TFPI: variants seen among roughly 807,000 people sequenced by gnomAD.
The protein encoded by TFPI is anti-convertin.
Under a neutral mutation model 34.6 loss-of-function variants are expected in TFPI, and 15 were observed. The ratio of observed to expected loss-of-function variants is 0.43; its 90% CI spans 0.29 to 0.67. TFPI has a LOEUF of 0.67. Ranked by LOEUF, TFPI falls within the 30% of genes least tolerant of loss-of-function variation. The pLI, the probability that TFPI is intolerant of heterozygous loss-of-function variation, is 0.15. For missense variants in TFPI, 301 were observed against 364.0 expected (o/e 0.83, Z 1.41); for synonymous variants, 105 against 120.1 (o/e 0.87, Z 0.82).
intron 6 of TFPI, chr2:187,478,551 C>T: frequency 7.7e-7 from 1 of 1,301,076 alleles, no homozygotes; most frequent in Non-Finnish European, 1.0e-6. Flanking sequence ...TAGACATTTA[C>T]AAGTGAGGTG....
intron 6 of TFPI, chr2:187,478,839 G>T: frequency 1.3e-6 from 2 of 1,555,874 alleles, no homozygotes; most frequent in African/African-American, 1.4e-5. Context: ...AAAAATGTGA[G>T]TCATCTTTAT....
At chr2:187,473,912 G>A (rs930753155) in intron 6 of TFPI, among the ~76,000 whole-genome samples, 2 of 152,006 alleles carry the variant, frequency 1.3e-5, no homozygotes, top group Non-Finnish European at 2.9e-5. Flanking sequence ...AATAGACTGA[G>A]TGAAAACCTG....
intron 1 of TFPI, among the ~76,000 whole-genome samples, chr2:187,530,524 C>T (rs1242189780): frequency 6.6e-6 from 1 of 152,188 alleles, no homozygotes; most frequent in African/African-American, 2.4e-5. Flanking sequence ...CTTTTGGCAT[C>T]GTCCCCTGAC....
At chr2:187,494,181 C>T (rs1337744553) in intron 3 of TFPI, among the ~76,000 whole-genome samples, 2 of 151,946 alleles carry the variant, frequency 1.3e-5, no homozygotes, top group Non-Finnish European at 1.5e-5. Context: ...ACCACCTTCC[C>T]CCCCGCCCCA....
At chr2:187,492,847 C>T (rs1025688027) in intron 3 of TFPI, among the ~76,000 whole-genome samples, 1 of 152,154 alleles carries the variant, frequency 6.6e-6, no homozygotes. Context: ...CTTGCCTTGT[C>T]TCAGATGAGA....
At chr2:187,468,834 C>T (rs540367329) in intron 6 of TFPI, among the ~76,000 whole-genome samples, 1 of 152,118 alleles carries the variant, frequency 6.6e-6, no homozygotes, top group South Asian at 2.1e-4. Flanking sequence ...ACCAGTACTA[C>T]AGGTAAGTTG....
chr2:187,539,236 A>G (rs936040890), intron 1 of TFPI, among the ~76,000 whole-genome samples: 2 of 152,162 alleles, frequency 1.3e-5, no homozygotes, highest in African/African-American at 2.4e-5. Flanking sequence ...GTGAGAATGC[A>G]AAGTAAGGAC....
In TFPI at chr2:187,464,631, TC is replaced by T. The variant is rs1361885190; in HGVS notation, c.*2304del. On this transcript the variant is annotated 3_prime_UTR_variant, in exon 8 of 8. Coordinates refer to ENST00000233156, the MANE Select transcript of TFPI (RefSeq NM_006287.6). ...TTTACCACTTCACCTAAGTAGACTT[TC>T]CCACTCATTTGAAGCTATTGCTATC... 1 of 152,178 alleles carries T rather than the reference TC, an allele frequency of 6.6e-6. No individual in the cohort carries two copies. Among genetic ancestry groups the T allele is most frequent in the Non-Finnish European group, 1.5e-5 (1 of 68,030 alleles). 9.4% of individuals were successfully genotyped at this position (152,178 alleles called of 1,614,324 possible). A position where few individuals can be genotyped will look rare whatever the true frequency, so the allele number is the denominator to read the frequency against.
At chr2:187,488,021 T>C (rs1693410716) in intron 4 of TFPI, among the ~76,000 whole-genome samples, 1 of 151,388 alleles carries the variant, frequency 6.6e-6, no homozygotes. Flanking sequence ...CTAAATATCA[T>C]ACTACATTAG....
chr2:187,500,868 A>G (rs946560684), intron 2 of TFPI, among the ~76,000 whole-genome samples: 3 of 152,188 alleles, frequency 2.0e-5, no homozygotes, highest in African/African-American at 7.2e-5. Flanking sequence ...TATTTTGAAT[A>G]AACCCTTTTG....
In TFPI at chr2:187,503,661, G is replaced by A; in HGVS notation, c.108C>T (p.His36=). 6.2e-7 allele frequency: 1 copy of A among 1,612,538 alleles called. No homozygotes were observed. The highest frequency in any genetic ancestry group is 8.5e-7 in the Non-Finnish European group (1 of 1,178,996). ...CTAATATTTTACCTGTGATAATTGT[G>A]TGTTCTTCATCTTCCTCAGAATCAG... ...LNADSEEDEE[H]TIITDTELPP... is the part of the protein sequence containing the mutation. Residue 36 remains histidine, a synonymous_variant, in exon 2 of 8, where the codon CAC becomes CAT. Coordinates refer to ENST00000233156, the MANE Select transcript of TFPI (RefSeq NM_006287.6).
intron 2 of TFPI, 150 bp downstream of exon 2, chr2:187,503,498 C>CACACACAT: frequency 1.2e-6 from 1 of 837,984 alleles, no homozygotes; most frequent in Non-Finnish European, 1.8e-6. Context: ...CACACACACA[C>CACACACAT]ACATACATTA....
chr2:187,517,447 G>A (rs1687083827), intron 1 of TFPI: 1 of 152,156 alleles, frequency 6.6e-6, no homozygotes, highest in Non-Finnish European at 1.5e-5. Context: ...CCATGTAGTT[G>A]TGCAGTTTTG....
intron 6 of TFPI, among the ~76,000 whole-genome samples, chr2:187,469,883 T>A (rs760957601): frequency 1.3e-5 from 2 of 152,142 alleles, no homozygotes; most frequent in African/African-American, 4.8e-5. Flanking sequence ...TGTAATTGAT[T>A]TGTACTATTG....
At position 187,496,432 on chromosome 2, in the gene TFPI, C is replaced by T. The variant is rs868613129; in HGVS notation, c.319+449G>A. ...AACTGAGATTACAAGTCTGGGAGGC[C>T]GAATTACACCCACTTTATTTTAAAA... On this transcript the variant is annotated intron_variant, in intron 3 of 7. Coordinates refer to ENST00000233156, the MANE Select transcript of TFPI (RefSeq NM_006287.6). Among the ~76,000 whole-genome samples, 11 of 151,996 alleles carry T rather than the reference C, an allele frequency of 7.2e-5. No individual in the cohort carries two copies. In the South Asian group the frequency reaches 1.2e-3, roughly 17 times the overall value.
intron 6 of TFPI, among the ~76,000 whole-genome samples, chr2:187,476,633 C>T (rs979721367): frequency 1.3e-5 from 2 of 152,110 alleles, no homozygotes; most frequent in East Asian, 3.9e-4. Flanking sequence ...AGCCACTGCA[C>T]CCAGCCACCA....
In TFPI at chr2:187,467,465, T is replaced by G. The variant is rs146897418; in HGVS notation, c.808+288A>C. 7.9e-3 allele frequency among the ~76,000 whole-genome samples: 1,198 copies of G among 152,200 alleles called. 7 individuals carry two copies. Among genetic ancestry groups the G allele is most frequent in the Non-Finnish European group, 0.013 (867 of 67,946 alleles). ...AAATTTTGTGCATTACAAGAAAGCT[T>G]AAAACAATTTTGGTATAGTCTTTTA... On this transcript the variant is annotated intron_variant, in intron 7 of 7. Transcript: ENST00000233156.
rs1376312923 is a variant in TFPI at position 187,490,842 on chromosome 2, T to C, written c.320-2467A>G. Among the ~76,000 whole-genome samples, 3 of 151,812 alleles carry C rather than the reference T, an allele frequency of 2.0e-5. No individual in the cohort carries two copies. The East Asian group carries it at 5.8e-4, about 29-fold the overall frequency. ...CTTTAGAATTACTGTAATTGAATATTTTAATAATAATTTCATCTTCATTAT... is the reference window on the plus strand; with the variant it reads ...CTTTAGAATTACTGTAATTGAATATCTTAATAATAATTTCATCTTCATTAT... On this transcript the variant is annotated intron_variant, in intron 3 of 7. Coordinates refer to ENST00000233156, the MANE Select transcript of TFPI (RefSeq NM_006287.6).
At position 187,484,982 on chromosome 2, in the gene TFPI, G is replaced by T; in HGVS notation, c.364C>A (p.Pro122Thr). The change falls in exon 5 of 8, where the codon CCA becomes ACA. Residue 122 changes from proline (P) to threonine (T), a missense_variant. By Grantham distance (38) the Pro-to-Thr change is conservative. Transcript: ENST00000233156. Reference sequence around the variant, plus strand: ...TCTTCTTCCAAAAAGCAGAAATCTGGCTTTTCTAGAAATTATAAAAATGTC... The same window carrying T: ...TCTTCTTCCAAAAAGCAGAAATCTGTCTTTTCTAGAAATTATAAAAATGTC... Reference protein sequence around the residue: ...IIKTTLQQEKPDFCFLEEDPG... With the variant: ...IIKTTLQQEKTDFCFLEEDPG... The T allele has an allele frequency of 6.8e-7, 1 of 1,466,834 alleles. No individual in the cohort carries two copies. Among genetic ancestry groups the T allele is most frequent in the Non-Finnish European group, 9.0e-7 (1 of 1,108,356 alleles). 90.9% of individuals were successfully genotyped at this position (1,466,834 alleles called of 1,614,324 possible).
Sources: allele counts gnomAD v4.1 joint callset (sites outside exome capture counted in the v4.1 genomes callset), GRCh38; gene constraint gnomAD v4.1.1; transcripts MANE v1.5; gene names NCBI Gene and HGNC (gene_info 2026-07-23, HGNC 2026-07-21).